CD163L1: variants seen among roughly 807,000 people sequenced by gnomAD.
The protein encoded by CD163L1 is scavenger receptor cysteine-rich type 1 protein M160.
Under a neutral mutation model 165.4 loss-of-function variants are expected in CD163L1, and 124 were observed. The ratio of observed to expected loss-of-function variants is 0.75; its 90% CI spans 0.65 to 0.87. CD163L1 has a LOEUF of 0.87. Among genes scored for constraint, CD163L1 ranks in the 40% least tolerant of loss-of-function variants. The pLI, the probability that CD163L1 is intolerant of heterozygous loss-of-function variation, is 0.00. For synonymous variants in CD163L1, 585 were observed against 662.2 expected (o/e 0.88, Z 1.79); for missense variants, 1,525 against 1,799.9 (o/e 0.85, Z 2.76).
At chr12:7,407,752 GAT>G (rs1316459796) in intron 4 of CD163L1, among the ~76,000 whole-genome samples, 11 of 149,714 alleles carry the variant, frequency 7.3e-5, no homozygotes, top group African/African-American at 2.2e-4. Flanking sequence ...AGAACTTGAA[GAT>G]ATGTGTATAT....
At chr12:7,412,162 C>T (rs184861342) in intron 4 of CD163L1, among the ~76,000 whole-genome samples, 169 of 152,318 alleles carry the variant, frequency 1.1e-3, no homozygotes, top group African/African-American at 3.7e-3. Context: ...GGCTTTAATG[C>T]TAAAATATTG....
In CD163L1 at chr12:7,347,925, C is replaced by T. The variant is rs1389292797; in HGVS notation, c.*25-778G>A. On this transcript the variant is annotated intron_variant, in intron 4 of 4. Coordinates refer to the CD163L1 transcript ENST00000539726. The surrounding 1 kb of genome is among the most constrained non-coding windows in gnomAD (Gnocchi z 4.2). The stretch of plus-strand genomic sequence containing the variant: ...AACTATTATTGAGTTTCCACATGAG[C>T]TTCACATGTCATTCAAATGTCCACA... Among the ~76,000 whole-genome samples the T allele has an allele frequency of 6.6e-6, 1 of 152,136 alleles. No individual in the cohort carries two copies. Among genetic ancestry groups the T allele is most frequent in the Non-Finnish European group, 1.5e-5 (1 of 68,022 alleles).
chr12:7,349,186 T>C (rs1946691658), intron 4 of CD163L1, among the ~76,000 whole-genome samples: 2 of 152,238 alleles, frequency 1.3e-5, no homozygotes, highest in Non-Finnish European at 2.9e-5. Flanking sequence ...GAAATTACTT[T>C]CTTATCTTTA....
chr12:7,363,221 T>C (rs1020389718), intron 18 of CD163L1, among the ~76,000 whole-genome samples: 1 of 151,382 alleles, frequency 6.6e-6, no homozygotes, highest in South Asian at 2.1e-4. Flanking sequence ...AGGCAGGAGA[T>C]TTGCTTGAAC....
intron 1 of CD163L1, among the ~76,000 whole-genome samples, chr12:7,442,581 A>G (rs1415114168): frequency 6.6e-6 from 1 of 152,202 alleles, no homozygotes; most frequent in Non-Finnish European, 1.5e-5. Context: ...AACCCTCCCT[A>G]TAGAACGAAA....
At chr12:7,415,401 A>C (rs1164962078) in intron 4 of CD163L1, among the ~76,000 whole-genome samples, 1 of 152,176 alleles carries the variant, frequency 6.6e-6, no homozygotes, top group Non-Finnish European at 1.5e-5. Context: ...GAGGGGGAAA[A>C]ATAGAAAGAC....
chr12:7,356,578 G>A (rs1946778772), intron 19 of CD163L1, among the ~76,000 whole-genome samples: 1 of 152,098 alleles, frequency 6.6e-6, no homozygotes, highest in South Asian at 2.1e-4. Context: ...GGGCTACGCA[G>A]AAATGCTGTT....
chr12:7,412,509 G>A (rs2136551152), intron 4 of CD163L1, among the ~76,000 whole-genome samples: 1 of 152,238 alleles, frequency 6.6e-6, no homozygotes. Flanking sequence ...ATTTGTATAT[G>A]CATAATAAAA....
At chr12:7,324,368 C>A in the CD163L1 span, 1 of 1,614,030 alleles carries the variant, frequency 6.2e-7, no homozygotes, top group South Asian at 1.1e-5. Flanking sequence ...TCTGGTTTGT[C>A]GGCAGAGCTG....
intron 14 of CD163L1, among the ~76,000 whole-genome samples, chr12:7,371,101 G>T (rs1005711753): frequency 3.9e-5 from 6 of 152,160 alleles, no homozygotes; most frequent in African/African-American, 9.7e-5. Context: ...CACCATGTAA[G>T]ACGTGACTTT....
chr12:7,320,923 T>C, the CD163L1 span: 1 of 866,612 alleles, frequency 1.2e-6, no homozygotes, highest in Admixed American at 2.1e-5. Flanking sequence ...CACTGACATT[T>C]TGAACCGAAT....
At chr12:7,417,706 G>T (rs781127125) in intron 4 of CD163L1, among the ~76,000 whole-genome samples, 2 of 152,008 alleles carry the variant, frequency 1.3e-5, no homozygotes, top group Non-Finnish European at 2.9e-5. Context: ...TAATGTGATA[G>T]ATTACATTTA....
At chr12:7,337,952 T>C in the CD163L1 span, among the ~76,000 whole-genome samples, 1 of 152,156 alleles carries the variant, frequency 6.6e-6, no homozygotes, top group Non-Finnish European at 1.5e-5. Flanking sequence ...AAAGAAAACG[T>C]GGCACATATA....
intron 2 of CD163L1, among the ~76,000 whole-genome samples, chr12:7,440,173 G>C (rs998424718): frequency 2.0e-5 from 3 of 152,232 alleles, no homozygotes; most frequent in African/African-American, 7.2e-5. Context: ...TCTTGGCTCC[G>C]GGTAGCCGGC....
Position 7,433,467 on chromosome 12 carries a change from A to T in CD163L1, c.352T>A (p.Tyr118Asn). ...TCCCAGAGAGCTGACTCATTTCCATAACAGGAAACATCATCAAGCCAAATT... is the reference window on the plus strand; with the variant it reads ...TCCCAGAGAGCTGACTCATTTCCATTACAGGAAACATCATCAAGCCAAATT... Reference protein sequence around the residue: ...GKIWLDDVSCYGNESALWECQ... With the variant: ...GKIWLDDVSCNGNESALWECQ... The change falls in exon 3 of 20, where the codon TAT becomes AAT. Residue 118 changes from tyrosine to asparagine, a missense_variant. By Grantham distance (143) the Tyr-to-Asn change is moderately radical. Coordinates refer to ENST00000313599, the MANE Select transcript of CD163L1 (RefSeq NM_174941.6). The T allele has an allele frequency of 6.2e-7, 1 of 1,614,110 alleles. No individual in the cohort carries two copies. Among genetic ancestry groups the T allele is most frequent in the Non-Finnish European group, 8.5e-7 (1 of 1,179,984 alleles).
chr12:7,393,216 T>C (rs1244501154), intron 8 of CD163L1, among the ~76,000 whole-genome samples: 2 of 152,176 alleles, frequency 1.3e-5, no homozygotes, highest in African/African-American at 4.8e-5. Context: ...TCAAAAAGCC[T>C]ATCCACCACG....
At chr12:7,362,654 T>C (rs1366632119) in intron 18 of CD163L1, among the ~76,000 whole-genome samples, 1 of 145,838 alleles carries the variant, frequency 6.9e-6, no homozygotes, top group Non-Finnish European at 1.5e-5. Flanking sequence ...TAAAATTATA[T>C]AATTCTAATA....
Position 7,432,897 on chromosome 12 carries a change from T to G in CD163L1, c.446-161A>C, listed in dbSNP as rs1469289384. Among the ~76,000 whole-genome samples, 1 of 152,156 alleles carries G rather than the reference T, an allele frequency of 6.6e-6. No homozygotes were observed. The highest frequency in any genetic ancestry group is 1.9e-4 in the East Asian group (1 of 5,198). The stretch of plus-strand genomic sequence containing the variant: ...ATAGGAGGGGTATGTGAGGCTTTTT[T>G]CTAAACACAAATACACAAACAAAAA... On this transcript the variant is annotated intron_variant, in intron 3 of 19. Transcript: ENST00000313599. The surrounding 1 kb of genome is among the most constrained non-coding windows in gnomAD (Gnocchi z 4.2).
rs1316634863 is a variant in CD163L1, at chr12:7,368,217, T to C, written c.4073-20A>G. The C allele has an allele frequency of 2.2e-6, 3 of 1,368,336 alleles. No homozygotes were observed. Among genetic ancestry groups the C allele is most frequent in the Non-Finnish European group, 3.1e-6 (3 of 959,224 alleles). The allele number at this position is 1,368,336 out of a possible 1,614,324, so 84.8% of individuals were successfully genotyped here. A position where few individuals can be genotyped will look rare whatever the true frequency, so the allele number is the denominator to read the frequency against. On this transcript the variant is annotated intron_variant, in intron 16 of 19. Transcript: ENST00000313599. The surrounding 1 kb of genome is among the most constrained non-coding windows in gnomAD (Gnocchi z 4.3). ...AATGACCTGTATAGAAATTAAGCATTGATAAGTATTAAACTAGTAGATATC... is the reference window on the plus strand; with the variant it reads ...AATGACCTGTATAGAAATTAAGCATCGATAAGTATTAAACTAGTAGATATC...
Sources: gnomAD v4.1 joint callset for allele counts (sites outside exome capture counted in the v4.1 genomes callset) on GRCh38, gnomAD v4.1.1 for gene constraint, Gnocchi (gnomAD v3.1) non-coding constraint, MANE v1.5 for transcripts, NCBI Gene and HGNC (gene_info 2026-07-23, HGNC 2026-07-21) for gene names.